ERC1: variants seen among roughly 807,000 people sequenced by gnomAD.
The protein encoded by ERC1 is RAB6 interacting protein 2.
In ERC1, 56 loss-of-function variants were observed where a neutral mutation model predicts 132.0. The observed-to-expected ratio is 0.42, with a 90% CI of 0.34 to 0.53. The LOEUF is 0.53. Among genes scored for constraint, ERC1 ranks in the 20% least tolerant of loss-of-function variants. The probability of loss-of-function intolerance (pLI) is 0.03; values close to 1 mark genes in which losing one functional copy is unlikely to be tolerated. For missense variants in ERC1, 1,202 were observed against 1,349.9 expected (o/e 0.89, Z 1.72); for synonymous variants, 478 against 476.1 (o/e 1.00, Z -0.05).
chr12:1,251,202 T>C (rs1175534231), intron 13 of ERC1, among the ~76,000 whole-genome samples: 4 of 152,144 alleles, frequency 2.6e-5, no homozygotes, highest in African/African-American at 9.7e-5. Context: ...AAGCCTTTTA[T>C]AAACATTAAG....
intron 18 of ERC1, among the ~76,000 whole-genome samples, chr12:1,483,153 C>T (rs886113969): frequency 1.8e-4 from 28 of 152,084 alleles, no homozygotes; most frequent in African/African-American, 6.5e-4. Flanking sequence ...CAAAAATTAG[C>T]CAGGTGTAGT....
chr12:997,429 C>A (rs1007968883), intron 1 of ERC1, among the ~76,000 whole-genome samples: 21 of 152,144 alleles, frequency 1.4e-4, no homozygotes, highest in African/African-American at 5.1e-4. Context: ...TGGATGCTAG[C>A]ATAATAATGT....
intron 13 of ERC1, among the ~76,000 whole-genome samples, chr12:1,242,725 T>C (rs1266486652): frequency 6.6e-6 from 1 of 152,190 alleles, no homozygotes; most frequent in African/African-American, 2.4e-5. Flanking sequence ...ACAGGTACAG[T>C]GGGTCCTCCA....
At chr12:1,320,715 T>G (rs532137300) in intron 15 of ERC1, among the ~76,000 whole-genome samples, 2 of 152,332 alleles carry the variant, frequency 1.3e-5, no homozygotes, top group African/African-American at 4.8e-5. Flanking sequence ...TTTTGTTGTT[T>G]TTTTGAGACG....
At chr12:1,113,286 C>T (rs1946090773) in intron 6 of ERC1, among the ~76,000 whole-genome samples, 1 of 152,190 alleles carries the variant, frequency 6.6e-6, no homozygotes, top group Non-Finnish European at 1.5e-5. Flanking sequence ...CTAACACTTG[C>T]ACACTTACTG....
At position 1,492,487 on chromosome 12, in the gene ERC1, G is replaced by C. The variant is rs59027092; in HGVS notation, c.*2257G>C. The C allele has an allele frequency of 0.046, 10,771 of 233,200 alleles. 1,117 individuals are homozygous for C. Among genetic ancestry groups the C allele is most frequent in the African/African-American group, 0.22 (9,899 of 45,406 alleles). The allele number at this position is 233,200 out of a possible 1,614,324, so 14.4% of individuals were successfully genotyped here. ...GCCAGCTGCTCTCTCCAAGCAGGTG[G>C]CCCAGATCCCACCCACGTGGACTTT... is the stretch of plus-strand genomic sequence containing the variant. On this transcript the variant is annotated 3_prime_UTR_variant, in exon 19 of 19. Transcript: ENST00000360905.
intron 18 of ERC1, among the ~76,000 whole-genome samples, chr12:1,475,499 A>G (rs921618792): frequency 4.6e-5 from 7 of 152,194 alleles, no homozygotes; most frequent in African/African-American, 1.7e-4. Flanking sequence ...ATTACAGAGA[A>G]AAGGGGCTCA....
intron 7 of ERC1, among the ~76,000 whole-genome samples, chr12:1,129,653 T>G (rs1278609053): frequency 6.6e-6 from 1 of 152,150 alleles, no homozygotes; most frequent in Non-Finnish European, 1.5e-5. Context: ...ATCTTCAAAG[T>G]TTAGTGAAAA....
chr12:1,461,263 A>T (rs1041491136), intron 18 of ERC1, among the ~76,000 whole-genome samples: 3 of 152,168 alleles, frequency 2.0e-5, no homozygotes, highest in African/African-American at 7.2e-5. Flanking sequence ...TGAATATGAG[A>T]CATGTATAAC....
chr12:1,304,779 CTTTTTTT>C (rs1186965322), intron 15 of ERC1, among the ~76,000 whole-genome samples: 1,564 of 69,864 alleles, frequency 0.022, 6 homozygotes, highest in Middle Eastern at 0.091. Flanking sequence ...TGTTGTAACT[CTTTTTTT>C]TTTTTTTTTT....
rs149733996 is a variant in ERC1, at chr12:1,206,345, C to T, written c.2351+16293C>T. 3.7e-3 allele frequency among the ~76,000 whole-genome samples: 556 copies of T among 152,192 alleles called. 3 individuals are homozygous for T. Among genetic ancestry groups the T allele is most frequent in the Admixed American group, 7.4e-3 (113 of 15,292 alleles). On this transcript the variant is annotated intron_variant, in intron 12 of 18. Coordinates refer to ENST00000360905, the MANE Select transcript of ERC1 (RefSeq NM_178040.4). ...TCATTATATGACCTTGGGCAAGATA[C>T]TTAACCTTTCCATGTTTATTTTAAC...
In ERC1 at chr12:1,028,244, C is replaced by G. The variant is rs1592785952; in HGVS notation, c.341C>G (p.Ala114Gly). The G allele has an allele frequency of 6.2e-7, 1 of 1,614,118 alleles. No homozygotes were observed. Among genetic ancestry groups the G allele is most frequent in the African/African-American group, 1.3e-5 (1 of 75,018 alleles). Residue 114 changes from alanine (A) to glycine (G), a missense_variant, in exon 2 of 19, where the codon GCT (alanine) becomes GGT (glycine). Ala to Gly is a moderately conservative substitution (Grantham distance 60). Coordinates refer to ENST00000360905, the MANE Select transcript of ERC1 (RefSeq NM_178040.4). ...MTAMGSSPNIASSGVASDTIA... is the reference protein window; with the variant it reads ...MTAMGSSPNIGSSGVASDTIA... ...GCTATGGGTAGTAGCCCCAATATAG[C>G]TAGCAGTGGGGTTGCTAGTGACACC...
At chr12:1,076,704 G>T (rs1941407943) in intron 2 of ERC1, among the ~76,000 whole-genome samples, 1 of 151,998 alleles carries the variant, frequency 6.6e-6, no homozygotes, top group Non-Finnish European at 1.5e-5. Flanking sequence ...AGAGTAATTG[G>T]CTGCATTATT....
At chr12:1,158,351 C>T (rs80277487) in intron 8 of ERC1, among the ~76,000 whole-genome samples, 3,602 of 151,964 alleles carry the variant, frequency 0.024, 144 homozygotes, top group African/African-American at 0.081. Flanking sequence ...TCATATTTAG[C>T]TTTTATTTCT....
At chr12:1,266,192 G>T (rs2154327895) in intron 14 of ERC1, among the ~76,000 whole-genome samples, 1 of 152,082 alleles carries the variant, frequency 6.6e-6, no homozygotes, top group African/African-American at 2.4e-5. Flanking sequence ...TTCCTTTTCT[G>T]TTTTCTTGTC....
intron 15 of ERC1, among the ~76,000 whole-genome samples, chr12:1,299,188 T>C (rs557151274): frequency 6.6e-6 from 1 of 152,310 alleles, no homozygotes; most frequent in Admixed American, 6.5e-5. Flanking sequence ...ATTTAACATT[T>C]ATAGAATACT....
chr12:1,392,443 A>G (rs1458962580), intron 16 of ERC1, among the ~76,000 whole-genome samples: 1 of 152,240 alleles, frequency 6.6e-6, no homozygotes, highest in Non-Finnish European at 1.5e-5. Context: ...TAATGCTTAC[A>G]TGCAGATAAC....
intron 12 of ERC1, among the ~76,000 whole-genome samples, chr12:1,195,074 A>G (rs1380495057): frequency 6.6e-6 from 1 of 151,626 alleles, no homozygotes; most frequent in Non-Finnish European, 1.5e-5. Flanking sequence ...GGGGCTCTAT[A>G]AGAAGTCCGC....
intron 3 of ERC1, among the ~76,000 whole-genome samples, chr12:1,097,791 T>G (rs1593273682): frequency 6.6e-6 from 1 of 151,738 alleles, no homozygotes; most frequent in Middle Eastern, 3.4e-3. Context: ...CTCGGCTGAC[T>G]GTAACCTCTG....
Sources: allele counts gnomAD v4.1 joint callset (sites outside exome capture counted in the v4.1 genomes callset), GRCh38; gene constraint gnomAD v4.1.1; transcripts MANE v1.5; gene names NCBI Gene and HGNC (gene_info 2026-07-23, HGNC 2026-07-21).